Variants in LYST observed in about 807,000 individuals in gnomAD.
LYST encodes the protein lysosomal trafficking regulator, also known as lysosomal-trafficking regulator.
In LYST, 192 loss-of-function variants were observed where a neutral mutation model predicts 413.6. The ratio of observed to expected loss-of-function variants is 0.46; its 90% CI spans 0.41 to 0.52. The LOEUF (loss-of-function observed/expected upper bound fraction) is 0.52, where lower values mean the gene tolerates loss of function less well. LYST is among the 20% of genes least tolerant of loss of function. The pLI is 0.00. For synonymous variants in LYST, 1,525 were observed against 1,567.3 expected, an observed-to-expected ratio of 0.97 and a Z score of 0.64; for missense variants, 3,815 against 4,499.9, an observed-to-expected ratio of 0.85 and a Z score of 4.35.
intron 26 of LYST, among the ~76,000 whole-genome samples, 152 bp downstream of exon 26, chr1:235,752,889 GTTA>G (rs781007993): frequency 4.6e-5 from 7 of 151,574 alleles, no homozygotes; most frequent in East Asian, 1.9e-4. Flanking sequence ...CTTTCTTTCT[GTTA>G]TTATTATTTT....
At position 235,662,436 on chromosome 1, in the gene LYST, C is replaced by T. The variant is rs1658110356; in HGVS notation, c.*504G>A. The T allele has an allele frequency of 1.2e-5, 2 of 165,748 alleles. No homozygotes were observed. Among genetic ancestry groups the T allele is most frequent in the Non-Finnish European group, 2.6e-5 (2 of 75,916 alleles). The allele number at this position is 165,748 out of a possible 1,614,324, so 10.3% of individuals were successfully genotyped here. On this transcript the variant is annotated 3_prime_UTR_variant, in exon 53 of 53. Coordinates refer to ENST00000389793, the MANE Select transcript of LYST (RefSeq NM_000081.4). The stretch of plus-strand genomic sequence containing the variant: ...GGCACCTACTGAATAATTTGCTTCT[C>T]AAAGAAAGCAATTATCAAGTCCTAA...
At chr1:235,745,920 C>A (rs1665878597) in intron 29 of LYST, among the ~76,000 whole-genome samples, 1 of 152,114 alleles carries the variant, frequency 6.6e-6, no homozygotes, top group Non-Finnish European at 1.5e-5. Context: ...AAGAGAAGGG[C>A]AATATGAGAG....
At chr1:235,733,019 A>C (rs1186815416) in intron 34 of LYST, among the ~76,000 whole-genome samples, 1 of 152,112 alleles carries the variant, frequency 6.6e-6, no homozygotes, top group Non-Finnish European at 1.5e-5. Context: ...ATTATCTTCT[A>C]CTTTATAAAC....
intron 48 of LYST, among the ~76,000 whole-genome samples, chr1:235,683,181 G>GCTAAT (rs1191360089): frequency 6.6e-6 from 1 of 152,152 alleles, no homozygotes; most frequent in African/African-American, 2.4e-5. Context: ...AACTGCAAAG[G>GCTAAT]CTAATATTAC....
chr1:235,773,867 T>C lies in LYST; in HGVS notation c.5759A>G (p.Asp1920Gly). ...DVKLLEELLLDWKIWSKAEQG... is the reference protein window; with the variant it reads ...DVKLLEELLLGWKIWSKAEQG... ...CTCTGCTTTACTCCATATCTTCCAG[T>C]CAAGCAATAGTTCCTCTAACAGCTT... Residue 1920 changes from aspartate (D) to glycine (G), a missense_variant, in exon 19 of 53, where the codon GAC becomes GGC. Asp to Gly is a moderately conservative substitution (Grantham distance 94). Coordinates refer to ENST00000389793, the MANE Select transcript of LYST (RefSeq NM_000081.4). 6.2e-7 allele frequency: 1 copy of C among 1,612,890 alleles called. No individual in the cohort carries two copies. The highest frequency in any genetic ancestry group is 8.5e-7 in the Non-Finnish European group (1 of 1,179,058).
At chr1:235,841,684 G>A (rs1284556024) in intron 1 of LYST, among the ~76,000 whole-genome samples, 1 of 152,150 alleles carries the variant, frequency 6.6e-6, no homozygotes, top group Admixed American at 6.5e-5. Flanking sequence ...GGGTATAGGT[G>A]AAGAGGTTAG....
At chr1:235,733,726 T>TAC (rs749926054) in intron 33 of LYST, 35 bp from the exon 34 acceptor site, 1 of 1,550,582 alleles carries the variant, frequency 6.4e-7, no homozygotes, top group African/African-American at 1.4e-5. Context: ...TAGTTAAGCA[T>TAC]ACATGGAACG....
chr1:235,738,712 C>T (rs1473521012), intron 31 of LYST: 61 of 1,581,836 alleles, frequency 3.9e-5, no homozygotes, highest in Non-Finnish European at 4.6e-5. Flanking sequence ...GTTGAGAGTG[C>T]TTACGAGGTG....
chr1:235,842,598 C>T (rs10926870), intron 1 of LYST, among the ~76,000 whole-genome samples: 76,577 of 152,024 alleles, frequency 0.5, 22,557 homozygotes, highest in African/African-American at 0.82. Context: ...ACTCATTTGC[C>T]GAATGAATGG....
At chr1:235,704,694 C>A (rs1350816161) in intron 44 of LYST, among the ~76,000 whole-genome samples, 1 of 151,764 alleles carries the variant, frequency 6.6e-6, no homozygotes, top group African/African-American at 2.4e-5. Context: ...TTCTCCCATT[C>A]TGTAGGTTGT....
At chr1:235,709,441 T>C in intron 43 of LYST, 133 bp from the exon 44 acceptor site, 2 of 702,836 alleles carry the variant, frequency 2.8e-6, no homozygotes, top group Non-Finnish European at 4.9e-6. Context: ...CAAGGAGGAT[T>C]TACATTTTGA....
rs149579373 is a variant in LYST, at chr1:235,667,942, A to G, written c.11039-3321T>C. ...CTCCCAAAGTGCAGGGATTACAGGC[A>G]TAGCCACCGTGCCTGGCCTCCTCCT... On this transcript the variant is annotated intron_variant, in intron 50 of 52. Transcript: ENST00000389793. Among the ~76,000 whole-genome samples, 292 of 152,264 alleles carry G rather than the reference A, an allele frequency of 1.9e-3. 2 individuals are homozygous for G. Among genetic ancestry groups the G allele is most frequent in the East Asian group, 0.017 (86 of 5,180 alleles).
At chr1:235,716,840 A>C in intron 40 of LYST, 62 bp from the exon 41 acceptor site, 1 of 926,492 alleles carries the variant, frequency 1.1e-6, no homozygotes, top group Non-Finnish European at 1.8e-6. Flanking sequence ...TAAGCTCCCT[A>C]GATGTCTGCA....
chr1:235,881,328 G>A (rs894778667), intron 1 of LYST, among the ~76,000 whole-genome samples: 6 of 152,168 alleles, frequency 3.9e-5, no homozygotes, highest in African/African-American at 1.4e-4. Context: ...AGTCTTTGCT[G>A]TGCTTTAATT....
rs1218262692 is a variant in LYST, at chr1:235,753,145, T to C, written c.7359A>G (p.Gln2453=). The change falls in exon 26 of 53, where the codon CAA becomes CAG. Residue 2453 remains glutamine, a synonymous_variant. Transcript: ENST00000389793. The stretch of plus-strand genomic sequence containing the variant: ...CTACCTTAGAACAAGAATTTAAAAT[T>C]TGGAGAAGAAGTAAAAGAGCATTAT... ...LLHNALLLLL[Q]ILNSCSKVAD... 1.2e-6 allele frequency: 2 copies of C among 1,608,926 alleles called. No individual in the cohort carries two copies. The highest frequency in any genetic ancestry group is 1.7e-6 in the Non-Finnish European group (2 of 1,175,682).
intron 14 of LYST, among the ~76,000 whole-genome samples, chr1:235,782,642 T>A (rs1669994561): frequency 6.6e-6 from 1 of 152,102 alleles, no homozygotes; most frequent in Non-Finnish European, 1.5e-5. Context: ...GACTAAACAT[T>A]TGCTGCAAGT....
chr1:235,716,529 GT>G (rs1270274189), intron 41 of LYST, among the ~76,000 whole-genome samples, 182 bp downstream of exon 41: 4 of 152,118 alleles, frequency 2.6e-5, no homozygotes, highest in Non-Finnish European at 5.9e-5. Flanking sequence ...TGGGCAAAGT[GT>G]TCTCAGAAAA....
chr1:235,692,661 G>A (rs1572009486), intron 47 of LYST, among the ~76,000 whole-genome samples: 1 of 152,062 alleles, frequency 6.6e-6, no homozygotes, highest in East Asian at 2.0e-4. Context: ...TGGGATTACA[G>A]GCATGAGCCA....
intron 47 of LYST, 134 bp from the exon 48 acceptor site, chr1:235,687,181 A>C: frequency 1.5e-6 from 1 of 683,904 alleles, no homozygotes. Flanking sequence ...CAAAAATGTT[A>C]GGTAAACATT....
Sources: gnomAD v4.1 joint callset for allele counts (sites outside exome capture counted in the v4.1 genomes callset) on GRCh38, gnomAD v4.1.1 for gene constraint, MANE v1.5 for transcripts, NCBI Gene and HGNC (gene_info 2026-07-23, HGNC 2026-07-21) for gene names.